The following CNTNAP2 variants were observed in gnomAD, a reference collection of about 807,000 sequenced individuals.
CNTNAP2 encodes the protein contactin associated protein 2.
CNTNAP2 carries 98 observed loss-of-function variants against 155.2 expected under a neutral mutation model. The observed-to-expected ratio is 0.63, with a 90% CI of 0.54 to 0.75. The LOEUF (loss-of-function observed/expected upper bound fraction) is 0.75, where lower values mean the gene tolerates loss of function less well. CNTNAP2 is among the 30% of genes least tolerant of loss of function. CNTNAP2 has a pLI of 0.00. For synonymous variants in CNTNAP2, 651 were observed against 631.2 expected (o/e 1.03, Z -0.47); for missense variants, 1,727 against 1,688.1 (o/e 1.02, Z -0.40).
chr7:147,696,214 C>T (rs980836107), intron 13 of CNTNAP2, among the ~76,000 whole-genome samples: 1 of 152,156 alleles, frequency 6.6e-6, no homozygotes, highest in African/African-American at 2.4e-5. Context: ...ATCTATAATA[C>T]TTGGGTTTGG....
intron 11 of CNTNAP2, among the ~76,000 whole-genome samples, chr7:147,492,709 C>CT (rs1037433439): frequency 1.3e-5 from 2 of 152,140 alleles, no homozygotes; most frequent in African/African-American, 4.8e-5. Context: ...TATAAATTCT[C>CT]TGTTTCCTCA....
intron 19 of CNTNAP2, among the ~76,000 whole-genome samples, chr7:148,224,251 G>C (rs1795803487): frequency 6.6e-6 from 1 of 151,928 alleles, no homozygotes. Flanking sequence ...TGTTTTTTCT[G>C]CGTGTTGCCA....
rs199889087 is a variant in CNTNAP2, at chr7:147,346,142, TATTTTA to T, written c.1498+45853_1498+45858del. On this transcript the variant is annotated intron_variant, in intron 9 of 23. Coordinates refer to ENST00000361727, the MANE Select transcript of CNTNAP2 (RefSeq NM_014141.6). ...CATAATCGAAGATTTTATTTTATTT[TATTTTA>T]TTTTATTTTTTTTTTTTGAGACAGA... is the stretch of plus-strand genomic sequence containing the variant. Among the ~76,000 whole-genome samples, 119 of 147,238 alleles carry T rather than the reference TATTTTA, an allele frequency of 8.1e-4. 4 individuals carry two copies. The highest frequency in any genetic ancestry group is 2.0e-3 in the Admixed American group (29 of 14,782).
At chr7:147,148,989 C>T (rs1451677799) in intron 8 of CNTNAP2, among the ~76,000 whole-genome samples, 2 of 152,168 alleles carry the variant, frequency 1.3e-5, no homozygotes, top group African/African-American at 4.8e-5. Flanking sequence ...TTGTGAAGAG[C>T]GAAAGAACAC....
intron 13 of CNTNAP2, among the ~76,000 whole-genome samples, chr7:147,830,205 C>A (rs139671239): frequency 1.3e-5 from 2 of 150,162 alleles, no homozygotes; most frequent in Non-Finnish European, 3.0e-5. Flanking sequence ...TTATAAACAA[C>A]AGGAATTCAT....
intron 1 of CNTNAP2, among the ~76,000 whole-genome samples, chr7:146,696,338 A>T (rs992347659): frequency 6.6e-6 from 1 of 152,126 alleles, no homozygotes; most frequent in African/African-American, 2.4e-5. Flanking sequence ...GCTTACGCCT[A>T]ATTTCTTAAT....
intron 14 of CNTNAP2, among the ~76,000 whole-genome samples, chr7:147,953,391 C>T (rs1206093102): frequency 6.6e-6 from 1 of 152,106 alleles, no homozygotes; most frequent in Admixed American, 6.5e-5. Flanking sequence ...GCCACAGATG[C>T]TCTTCTTTCC....
rs368474520 is a variant in CNTNAP2 at position 148,267,068 on chromosome 7, A to C, written c.3417A>C (p.Pro1139=). Residue 1139 remains proline, a synonymous_variant, in exon 21 of 24, where the codon CCA becomes CCC. Transcript: ENST00000361727. Reference sequence around the variant, plus strand: ...ATCCTTCTGTGAGTTACCATCTGCCAAGTTCATCCGACACCCTCTTCAATT... The same window carrying C: ...ATCCTTCTGTGAGTTACCATCTGCCCAGTTCATCCGACACCCTCTTCAATT... ...DHYPSVSYHL[P]SSSDTLFNSP... 1 of 1,614,178 alleles carries C rather than the reference A, an allele frequency of 6.2e-7. No individual in the cohort carries two copies. Among genetic ancestry groups the C allele is most frequent in the Non-Finnish European group, 8.5e-7 (1 of 1,180,034 alleles).
intron 12 of CNTNAP2, among the ~76,000 whole-genome samples, chr7:147,625,545 C>T (rs1425897555): frequency 6.6e-6 from 1 of 152,024 alleles, no homozygotes; most frequent in Non-Finnish European, 1.5e-5. Context: ...TTTGCATGTG[C>T]TCACAATTAC....
At chr7:146,519,658 T>C (rs1797589838) in intron 1 of CNTNAP2, among the ~76,000 whole-genome samples, 1 of 151,828 alleles carries the variant, frequency 6.6e-6, no homozygotes. Flanking sequence ...AACTGAAATG[T>C]ATGAGAAATC....
intron 13 of CNTNAP2, among the ~76,000 whole-genome samples, chr7:147,814,714 CAA>C (rs759567012): frequency 6.6e-6 from 1 of 152,090 alleles, no homozygotes; most frequent in South Asian, 2.1e-4. Context: ...GACTTTCAAA[CAA>C]GAGGTATTTC....
At chr7:148,023,069 A>G (rs887420376) in intron 15 of CNTNAP2, among the ~76,000 whole-genome samples, 1 of 152,196 alleles carries the variant, frequency 6.6e-6, no homozygotes, top group African/African-American at 2.4e-5. Context: ...CAGCACTGCC[A>G]TAATGACAAT....
At chr7:148,279,502 G>C (rs560809817) in intron 21 of CNTNAP2, among the ~76,000 whole-genome samples, 1 of 152,220 alleles carries the variant, frequency 6.6e-6, no homozygotes. Context: ...CCCTGGGAGA[G>C]AAGTAGTTTA....
At chr7:147,875,190 T>C (rs1485750642) in intron 13 of CNTNAP2, among the ~76,000 whole-genome samples, 1 of 152,220 alleles carries the variant, frequency 6.6e-6, no homozygotes, top group African/African-American at 2.4e-5. Context: ...TTTACTGTAT[T>C]TGTTTGTTCT....
At chr7:148,347,027 C>G (rs987365452) in intron 21 of CNTNAP2, among the ~76,000 whole-genome samples, 1 of 151,932 alleles carries the variant, frequency 6.6e-6, no homozygotes, top group South Asian at 2.1e-4. Flanking sequence ...GAGGCCGAGG[C>G]TGGAGGATCA....
chr7:147,456,351 A>G (rs545006483), intron 10 of CNTNAP2, among the ~76,000 whole-genome samples: 16 of 152,298 alleles, frequency 1.1e-4, no homozygotes, highest in Non-Finnish European at 2.1e-4. Context: ...AAAAGTATCA[A>G]TGAAACAACT....
intron 22 of CNTNAP2, among the ~76,000 whole-genome samples, chr7:148,391,161 A>G (rs1415479745): frequency 6.6e-6 from 1 of 152,228 alleles, no homozygotes; most frequent in African/African-American, 2.4e-5. Flanking sequence ...TTAGTGCCTC[A>G]CAGGCAATAG....
At chr7:146,213,032 A>G (rs1485005123) in intron 1 of CNTNAP2, among the ~76,000 whole-genome samples, 2 of 152,190 alleles carry the variant, frequency 1.3e-5, no homozygotes, top group Non-Finnish European at 2.9e-5. Flanking sequence ...TTGGACGGCT[A>G]CTGTAGAAGT....
intron 17 of CNTNAP2, among the ~76,000 whole-genome samples, chr7:148,162,710 G>A (rs976230937): frequency 6.6e-6 from 1 of 152,190 alleles, no homozygotes; most frequent in Non-Finnish European, 1.5e-5. Flanking sequence ...AGAGACAATG[G>A]TCTGCCCAGG....
Sources: allele counts gnomAD v4.1 joint callset (sites outside exome capture counted in the v4.1 genomes callset), GRCh38; gene constraint gnomAD v4.1.1; transcripts MANE v1.5; gene names NCBI Gene and HGNC (gene_info 2026-07-23, HGNC 2026-07-21).